The following CTNNA1 variants were observed in gnomAD, a reference collection of about 807,000 sequenced individuals.
CTNNA1 encodes the protein catenin alpha 1.
CTNNA1 carries 37 observed loss-of-function variants against 98.4 expected under a neutral mutation model. The ratio of observed to expected loss-of-function variants is 0.38; its 90% CI spans 0.29 to 0.49. The LOEUF (loss-of-function observed/expected upper bound fraction) is 0.49, where lower values mean the gene tolerates loss of function less well. Among genes scored for constraint, CTNNA1 ranks in the 20% least tolerant of loss-of-function variants. The probability of loss-of-function intolerance (pLI) is 0.95; values close to 1 mark genes in which losing one functional copy is unlikely to be tolerated. For synonymous variants in CTNNA1, 404 were observed against 413.2 expected (o/e 0.98, Z 0.27); for missense variants, 761 against 1,147.2 (o/e 0.66, Z 4.86).
chr5:138,874,943 C>T lies in CTNNA1; in HGVS notation c.1063-11269C>T, dbSNP rs879769167. The stretch of plus-strand genomic sequence containing the variant: ...GAGCACATTGGAGGCTGCATTCAGT[C>T]GCGGTTGTTAGACTCAACGCAGTGA... On this transcript the variant is annotated intron_variant, in intron 7 of 17. Transcript: ENST00000302763. This position sits in a 1 kb window ranked among gnomAD's most constrained non-coding sequence, Gnocchi z 4.1. The T allele has an allele frequency of 6.8e-6, 11 of 1,613,106 alleles. No individual in the cohort carries two copies. Among genetic ancestry groups the T allele is most frequent in the Middle Eastern group, 1.6e-4 (1 of 6,084 alleles).
chr5:138,847,777 A>C (rs1273345706), intron 7 of CTNNA1, among the ~76,000 whole-genome samples: 1 of 152,192 alleles, frequency 6.6e-6, no homozygotes, highest in Non-Finnish European at 1.5e-5. Flanking sequence ...TTGATGCATT[A>C]CAAAAAGGAA....
chr5:138,932,846 G>C (rs759450707), intron 17 of CTNNA1, 134 bp downstream of exon 17: 145 of 1,121,096 alleles, frequency 1.3e-4, no homozygotes, highest in Non-Finnish European at 1.1e-4. Flanking sequence ...TCCTGTCCCA[G>C]TCTCTGGAGA....
At chr5:138,900,259 G>C (rs1435652443) in intron 9 of CTNNA1, among the ~76,000 whole-genome samples, 1 of 151,638 alleles carries the variant, frequency 6.6e-6, no homozygotes, top group African/African-American at 2.4e-5. Flanking sequence ...GGGAAGAGAT[G>C]AATGTTTTGA....
At chr5:138,849,670 C>T (rs1289084796) in intron 7 of CTNNA1, among the ~76,000 whole-genome samples, 2 of 152,188 alleles carry the variant, frequency 1.3e-5, no homozygotes, top group Non-Finnish European at 1.5e-5. Flanking sequence ...TATCTATGAA[C>T]TTACTCATTG....
At chr5:138,898,780 C>G (rs1433441217) in intron 9 of CTNNA1, among the ~76,000 whole-genome samples, 2 of 152,130 alleles carry the variant, frequency 1.3e-5, no homozygotes. Flanking sequence ...TCTCTCTGTT[C>G]TTTCTTTGAA....
At chr5:138,909,175 T>C (rs1212204137) in intron 10 of CTNNA1, among the ~76,000 whole-genome samples, 1 of 152,178 alleles carries the variant, frequency 6.6e-6, no homozygotes, top group African/African-American at 2.4e-5. Context: ...CAATATTTTT[T>C]CTTAGTTCAT....
chr5:138,809,596 G>T (rs1021995286), intron 3 of CTNNA1, among the ~76,000 whole-genome samples: 2 of 152,180 alleles, frequency 1.3e-5, no homozygotes, highest in Admixed American at 6.5e-5. Context: ...ACATCATGTA[G>T]TTGGGATGAT....
chr5:138,922,204 T>C (rs998414538), intron 11 of CTNNA1, among the ~76,000 whole-genome samples: 1 of 152,182 alleles, frequency 6.6e-6, no homozygotes, highest in Admixed American at 6.5e-5. Context: ...TTTAAACATA[T>C]ATGCTTTTTA....
At chr5:138,917,592 C>A in intron 10 of CTNNA1, 150 bp from the exon 11 acceptor site, 1 of 681,482 alleles carries the variant, frequency 1.5e-6, no homozygotes, top group Non-Finnish European at 2.3e-6. Context: ...TCAACTTCAC[C>A]ATATAAAACT....
chr5:138,813,943 A>G (rs956169575), intron 5 of CTNNA1, among the ~76,000 whole-genome samples: 1 of 152,118 alleles, frequency 6.6e-6, no homozygotes, highest in Non-Finnish European at 1.5e-5. Context: ...CTAATATATG[A>G]CAGCTTCTTT....
intron 10 of CTNNA1, 152 bp from the exon 11 acceptor site, chr5:138,917,590 A>G: frequency 1.5e-6 from 1 of 683,194 alleles, no homozygotes; most frequent in Non-Finnish European, 2.3e-6. Flanking sequence ...ATTCAACTTC[A>G]CCATATAAAA....
intron 6 of CTNNA1, among the ~76,000 whole-genome samples, chr5:138,825,897 CA>C (rs1760670753): frequency 6.6e-6 from 1 of 152,096 alleles, no homozygotes; most frequent in African/African-American, 2.4e-5. Context: ...TTCCCCCCTT[CA>C]AAATTTGGCA....
In CTNNA1 at chr5:138,810,942, G is replaced by A. The variant is rs1391310461; in HGVS notation, c.468+738G>A. On this transcript the variant is annotated intron_variant, in intron 4 of 17. Transcript: ENST00000302763. The stretch of plus-strand genomic sequence containing the variant: ...GGGCTGACCCCCCCACCTCCCTCCC[G>A]GACGGGGCAGCTGGCCGGGCAGGGG... Among the ~76,000 whole-genome samples the A allele has an allele frequency of 6.3e-5, 9 of 141,900 alleles. No individual in the cohort carries two copies. In the East Asian group the frequency reaches 1.4e-3, roughly 22 times the overall value. The allele number at this position is 141,900 out of a possible 152,430, so 93.1% of individuals were successfully genotyped here. A position where few individuals can be genotyped will look rare whatever the true frequency, so the allele number is the denominator to read the frequency against.
At chr5:138,788,506 T>C (rs1755971042) in intron 3 of CTNNA1, among the ~76,000 whole-genome samples, 1 of 152,196 alleles carries the variant, frequency 6.6e-6, no homozygotes, top group Non-Finnish European at 1.5e-5. Context: ...TATTCAGAGT[T>C]GTACAGCTAT....
chr5:138,875,023 G>T, intron 7 of CTNNA1: 1 of 1,067,522 alleles, frequency 9.4e-7, no homozygotes, highest in Non-Finnish European at 1.4e-6. Context: ...TGTTTTCTGT[G>T]TCCCAGGCTT....
rs755465260 is a variant in CTNNA1, at chr5:138,822,794, A to C, written c.589-1736A>C. ...CAAATGAGAAAAGAATTCTAGGAGG[A>C]AAAGTAAGCTGTCATGTTATACAAG... On this transcript the variant is annotated intron_variant, in intron 5 of 17. Coordinates refer to ENST00000302763, the MANE Select transcript of CTNNA1 (RefSeq NM_001903.5). Among the ~76,000 whole-genome samples, 33 of 152,320 alleles carry C rather than the reference A, an allele frequency of 2.2e-4. No homozygotes were observed. Among genetic ancestry groups the C allele is most frequent in the Non-Finnish European group, 3.4e-4 (23 of 68,020 alleles).
chr5:138,914,917 G>A, intron 10 of CTNNA1, among the ~76,000 whole-genome samples: 1 of 152,050 alleles, frequency 6.6e-6, no homozygotes, highest in East Asian at 1.9e-4. Flanking sequence ...GGAGGCCGAG[G>A]CGGGTGGATC....
At chr5:138,758,626 C>T (rs1751975026) in intron 1 of CTNNA1, among the ~76,000 whole-genome samples, 2 of 152,138 alleles carry the variant, frequency 1.3e-5, no homozygotes, top group South Asian at 2.1e-4. Context: ...CTGCCCACCT[C>T]GGCCTCCCAA....
At chr5:138,932,553 G>A (rs1373972324) in intron 16 of CTNNA1, 25 bp from the exon 17 acceptor site, 4 of 1,612,682 alleles carry the variant, frequency 2.5e-6, no homozygotes, top group Non-Finnish European at 3.4e-6. Context: ...CAGGATACTT[G>A]GTGTTAAGCC....
Sources: gnomAD v4.1 joint callset for allele counts (sites outside exome capture counted in the v4.1 genomes callset) on GRCh38, gnomAD v4.1.1 for gene constraint, Gnocchi (gnomAD v3.1) non-coding constraint, MANE v1.5 for transcripts, NCBI Gene and HGNC (gene_info 2026-07-23, HGNC 2026-07-21) for gene names.